PARP4: variants seen among roughly 807,000 people sequenced by gnomAD.
PARP4 encodes poly(ADP-ribose) polymerase family member 4.
A neutral mutation model predicts 187.7 loss-of-function variants in PARP4; 120 were observed. The observed-to-expected ratio is 0.64, with a 90% CI of 0.55 to 0.74. PARP4 has a LOEUF of 0.74. PARP4 is among the 30% of genes least tolerant of loss of function. The pLI is 0.00. For missense variants in PARP4, 1,836 were observed against 2,070.5 expected (o/e 0.89, Z 2.20); for synonymous variants, 654 against 740.9 (o/e 0.88, Z 1.90).
intron 33 of PARP4, among the ~76,000 whole-genome samples, chr13:24,423,226 G>A (rs777957925): frequency 2.0e-5 from 3 of 152,048 alleles, no homozygotes; most frequent in African/African-American, 7.3e-5. Context: ...TTGGCAAGTG[G>A]CACTGGTTTA....
In PARP4 at chr13:24,452,520, C is replaced by T. The variant is rs554048244; in HGVS notation, c.2900G>A (p.Arg967Gln). Residue 967 changes from arginine to glutamine, a missense_variant, in exon 24 of 34, where the codon CGA becomes CAA. Arg to Gln is a conservative substitution (Grantham distance 43). Coordinates refer to ENST00000381989, the MANE Select transcript of PARP4 (RefSeq NM_006437.4). ...CACCAGGAGGATGTTCCGTGACCCTCGAGCAGGGTACAATAAGCTAAGATA... is the reference window on the plus strand; with the variant it reads ...CACCAGGAGGATGTTCCGTGACCCTTGAGCAGGGTACAATAAGCTAAGATA... The part of the protein sequence containing the change: ...LRYLSLLYPA[R>Q]GSRNILLVSD... 4.3e-5 allele frequency: 70 copies of T among 1,613,936 alleles called. No homozygotes were observed. The Middle Eastern group carries it at 1.3e-3, about 30-fold the overall frequency.
chr13:24,494,829 G>GT (rs1868855344), intron 6 of PARP4, 107 bp from the exon 7 acceptor site: 2 of 664,104 alleles, frequency 3.0e-6, no homozygotes, highest in Non-Finnish European at 4.9e-6. Flanking sequence ...TTAGAAATTA[G>GT]TTTTTTTCAA....
intron 1 of PARP4, among the ~76,000 whole-genome samples, chr13:24,507,002 C>T (rs1869736412): frequency 6.6e-6 from 1 of 152,218 alleles, no homozygotes; most frequent in Admixed American, 6.5e-5. Context: ...CGCTGGTGGG[C>T]CGGCACTGCT....
rs563491509 is a variant in PARP4 at position 24,481,744 on chromosome 13, A to C, written c.1448+2909T>G. ...TACATTTTGGCCAGGTATGCCTGTA[A>C]TCCCAGGAGTCTGAGGTGGGATGAT... On this transcript the variant is annotated intron_variant, in intron 12 of 33. Transcript: ENST00000381989. Among the ~76,000 whole-genome samples, 17 of 152,296 alleles carry C rather than the reference A, an allele frequency of 1.1e-4. No homozygotes were observed. The East Asian group carries it at 2.7e-3, about 24-fold the overall frequency.
rs564332727 is a variant in PARP4 at position 24,456,855 on chromosome 13, G to A, written c.2425-377C>T. Among the ~76,000 whole-genome samples, 442 of 152,070 alleles carry A rather than the reference G, an allele frequency of 2.9e-3. 5 individuals are homozygous for A. The highest frequency in any genetic ancestry group is 0.01 in the African/African-American group (421 of 41,466). On this transcript the variant is annotated intron_variant, in intron 20 of 33. Transcript: ENST00000381989. ...GTAAAGGTTGCAGTGAGCCAAGATC[G>A]CGCCACTGCACTCCAGCCTGGGTAA...
chr13:24,500,047 T>TTA (rs397689023), intron 4 of PARP4, among the ~76,000 whole-genome samples: 14,442 of 150,730 alleles, frequency 0.096, 771 homozygotes, highest in Non-Finnish European at 0.12. Flanking sequence ...GGTTTTTTTT[T>TTA]AAAAGAATTA....
intron 30 of PARP4, among the ~76,000 whole-genome samples, chr13:24,438,097 T>G (rs545086359): frequency 7.9e-5 from 12 of 152,210 alleles, no homozygotes; most frequent in African/African-American, 2.6e-4. Flanking sequence ...ACTCACTTGC[T>G]TCCTCTTTCC....
At chr13:24,431,305 TTACAAC>T (rs1221973592) in intron 32 of PARP4, 66 bp downstream of exon 32, 2 of 824,666 alleles carry the variant, frequency 2.4e-6, no homozygotes, top group Admixed American at 5.2e-5. Flanking sequence ...ACAAAACAGT[TTACAAC>T]AATTAGGAGC....
In PARP4 at chr13:24,423,397, T is replaced by TGGGCATGGTG. The variant is rs556166907; in HGVS notation, c.4980-2084_4980-2083insCACCATGCCC. On this transcript the variant is annotated intron_variant, in intron 33 of 33. Transcript: ENST00000381989. ...CTCTACCACAAATATAAAAATTAGC[T>TGGGCATGGTG]GTGCACACCTCTAATTCCAGCTACT... 1.1e-3 allele frequency among the ~76,000 whole-genome samples: 174 copies of TGGGCATGGTG among 151,962 alleles called. 3 individuals carry two copies. In the East Asian group the frequency reaches 0.018, roughly 16 times the overall value.
intron 10 of PARP4, among the ~76,000 whole-genome samples, chr13:24,488,430 T>G (rs1263671540): frequency 6.6e-6 from 1 of 152,180 alleles, no homozygotes; most frequent in Non-Finnish European, 1.5e-5. Flanking sequence ...CCTGGCTCAC[T>G]GCAACCTCCA....
chr13:24,467,768 G>A (rs1872544862), intron 17 of PARP4, among the ~76,000 whole-genome samples: 1 of 152,124 alleles, frequency 6.6e-6, no homozygotes, highest in Non-Finnish European at 1.5e-5. Flanking sequence ...GTTTTCTTGT[G>A]GACCCTATTC....
chr13:24,509,656 A>T (rs1409360155), intron 1 of PARP4, among the ~76,000 whole-genome samples: 1 of 152,206 alleles, frequency 6.6e-6, no homozygotes, highest in Non-Finnish European at 1.5e-5. Flanking sequence ...GTTATTTTTA[A>T]AAAAGCACCT....
intron 30 of PARP4, 119 bp downstream of exon 30, chr13:24,441,727 A>C (rs1870933277): frequency 1.2e-6 from 1 of 851,274 alleles, no homozygotes; most frequent in South Asian, 1.8e-5. Context: ...ATTTTCCATC[A>C]TCAGGGATAC....
chr13:24,505,738 C>T (rs1369265662), intron 1 of PARP4, among the ~76,000 whole-genome samples: 1 of 152,202 alleles, frequency 6.6e-6, no homozygotes, highest in Non-Finnish European at 1.5e-5. Context: ...CTATGTTGCC[C>T]AGACTGGTAT....
intron 17 of PARP4, among the ~76,000 whole-genome samples, chr13:24,466,966 A>G (rs4769359): frequency 0.51 from 77,281 of 151,934 alleles, 19,969 homozygotes; most frequent in South Asian, 0.65. Flanking sequence ...GACCAGATCA[A>G]TAATTGTATT....
chr13:24,449,656 A>C (rs1248495578), intron 25 of PARP4, 62 bp downstream of exon 25: 36 of 932,548 alleles, frequency 3.9e-5, no homozygotes, highest in Non-Finnish European at 6.9e-6. Flanking sequence ...CCTATTTCTT[A>C]GTCTCGGAAG....
chr13:24,434,490 A>G lies in PARP4; in HGVS notation c.4651T>C (p.Cys1551Arg), dbSNP rs1230632614. ...TCCTCTTCTTTTACTTCCAGAAAGCACAGGATACTGTCATCTTTTGTATCA... is the reference window on the plus strand; with the variant it reads ...TCCTCTTCTTTTACTTCCAGAAAGCGCAGGATACTGTCATCTTTTGTATCA... ...KCDTKDDSIL[C>R]FLEVKEEDEI... Residue 1551 changes from cysteine to arginine, a missense_variant, in exon 31 of 34, where the codon TGC becomes CGC. Around this residue, in one of 8 missense-constraint regions of PARP4, gnomAD observed 450 missense variants for 439.2 expected, o/e 1.02. Transcript: ENST00000381989. 6.2e-7 allele frequency: 1 copy of G among 1,613,824 alleles called. No homozygotes were observed. The highest frequency in any genetic ancestry group is 1.7e-5 in the Admixed American group (1 of 59,990).
At chr13:24,504,694 T>C (rs988146093) in intron 1 of PARP4, among the ~76,000 whole-genome samples, 5 of 151,846 alleles carry the variant, frequency 3.3e-5, no homozygotes, top group African/African-American at 1.2e-4. Flanking sequence ...TTAATTTCCA[T>C]TTTGTAAAAT....
intron 1 of PARP4, among the ~76,000 whole-genome samples, chr13:24,507,090 G>A (rs1389184064): frequency 1.3e-5 from 2 of 152,210 alleles, no homozygotes; most frequent in Non-Finnish European, 2.9e-5. Flanking sequence ...GGGGCCAGCG[G>A]GCTGCTCAGA....
Sources: gnomAD v4.1 joint callset for allele counts (sites outside exome capture counted in the v4.1 genomes callset) on GRCh38, gnomAD v4.1.1 for gene constraint, gnomAD v4.1.1 regional missense constraint, MANE v1.5 for transcripts, NCBI Gene and HGNC (gene_info 2026-07-23, HGNC 2026-07-21) for gene names.